The following SHB variants were observed in gnomAD, a reference collection of about 807,000 sequenced individuals.
SHB encodes SH2 domain containing adaptor protein B, also known as SH2 domain-containing adapter protein B.
Under a neutral mutation model 52.3 loss-of-function variants are expected in SHB, and 20 were observed. The observed-to-expected ratio is 0.38, with a 90% CI of 0.27 to 0.56. The LOEUF (loss-of-function observed/expected upper bound fraction) is 0.56. SHB is among the 20% of genes least tolerant of loss of function. The pLI, the probability that SHB is intolerant of heterozygous loss-of-function variation, is 0.71. For missense variants in SHB, 825 were observed against 723.3 expected (o/e 1.14, Z -1.61); for synonymous variants, 397 against 316.5 (o/e 1.25, Z -2.70).
chr9:38,053,323 C>T lies in SHB; in HGVS notation c.717+14606G>A, dbSNP rs112580420. Among the ~76,000 whole-genome samples the T allele has an allele frequency of 7.9e-5, 12 of 152,200 alleles. 2 individuals carry two copies. The highest frequency in any genetic ancestry group is 2.9e-4 in the African/African-American group (12 of 41,526). ...TGCGATCTCAGCTCACTGCAACCTC[C>T]ACCTCCCGGGTTCAAGCAATTCTCC... is the stretch of plus-strand genomic sequence containing the variant. On this transcript the variant is annotated intron_variant, in intron 1 of 5. Transcript: ENST00000377707.
intron 2 of SHB, among the ~76,000 whole-genome samples, chr9:38,000,965 C>T (rs140207542): frequency 2.0e-5 from 3 of 152,340 alleles, no homozygotes; most frequent in African/African-American, 7.2e-5. Context: ...ACCACGTGTC[C>T]TGCCTGTCTC....
chr9:37,957,181 G>A (rs1047453553), intron 3 of SHB, among the ~76,000 whole-genome samples: 38 of 152,182 alleles, frequency 2.5e-4, no homozygotes, highest in Non-Finnish European at 1.3e-4. Flanking sequence ...TCCTGAAGCC[G>A]AGGCCAGCTG....
At chr9:38,012,290 A>G (rs1400640890) in intron 2 of SHB, among the ~76,000 whole-genome samples, 1 of 152,162 alleles carries the variant, frequency 6.6e-6, no homozygotes, top group African/African-American at 2.4e-5. Flanking sequence ...GCTCCACATG[A>G]TGGTTCAAAC....
chr9:38,039,458 T>A (rs553534996), intron 1 of SHB, among the ~76,000 whole-genome samples: 1 of 152,256 alleles, frequency 6.6e-6, no homozygotes, highest in Admixed American at 6.5e-5. Flanking sequence ...AAGGGGGTCA[T>A]GGCCCTGGGG....
intron 5 of SHB, among the ~76,000 whole-genome samples, chr9:37,923,838 G>A (rs1204796501): frequency 1.3e-5 from 2 of 152,188 alleles, no homozygotes; most frequent in African/African-American, 4.8e-5. Flanking sequence ...ACACTACCCT[G>A]GCCCAAGGCG....
rs116025833 is a variant in SHB, at chr9:38,056,630, A to G, written c.717+11299T>C. 4.0e-3 allele frequency among the ~76,000 whole-genome samples: 610 copies of G among 152,340 alleles called. 2 individuals are homozygous for G. The highest frequency in any genetic ancestry group is 0.014 in the African/African-American group (571 of 41,586). ...TATAGGCGTGAGCCACCGCGCCCAC[A>G]TGGGAAGACTTTTCTCAGCAGCATG... On this transcript the variant is annotated intron_variant, in intron 1 of 5. Coordinates refer to ENST00000377707, the MANE Select transcript of SHB (RefSeq NM_003028.3).
intron 2 of SHB, among the ~76,000 whole-genome samples, chr9:37,976,271 T>C (rs1237220875): frequency 6.6e-6 from 1 of 152,128 alleles, no homozygotes; most frequent in African/African-American, 2.4e-5. Flanking sequence ...CCTGACCTCA[T>C]GTGATCTCCC....
chr9:37,966,136 G>A (rs1045649253), intron 3 of SHB, among the ~76,000 whole-genome samples: 5 of 152,156 alleles, frequency 3.3e-5, no homozygotes, highest in Admixed American at 2.0e-4. Context: ...ACTGCGTCTG[G>A]CCTGATTTAC....
At chr9:38,062,108 G>A (rs993450055) in intron 1 of SHB, among the ~76,000 whole-genome samples, 2 of 152,202 alleles carry the variant, frequency 1.3e-5, no homozygotes, top group African/African-American at 2.4e-5. Context: ...ATTAAGTAAA[G>A]GGGAGGAGGA....
At chr9:37,963,648 G>A (rs1426120926) in intron 3 of SHB, among the ~76,000 whole-genome samples, 1 of 152,182 alleles carries the variant, frequency 6.6e-6, no homozygotes, top group Non-Finnish European at 1.5e-5. Flanking sequence ...TGAGAGTGGG[G>A]AGAGCTGAGG....
chr9:38,055,865 G>A (rs895789748), intron 1 of SHB, among the ~76,000 whole-genome samples: 7 of 151,922 alleles, frequency 4.6e-5, no homozygotes, highest in East Asian at 1.9e-4. Flanking sequence ...CCCAGCCTCC[G>A]GTATCAGAGG....
intron 4 of SHB, among the ~76,000 whole-genome samples, chr9:37,952,817 G>C (rs891345826): frequency 2.0e-5 from 3 of 152,086 alleles, no homozygotes; most frequent in African/African-American, 7.2e-5. Flanking sequence ...GGAGGGGCAA[G>C]TTTCGAGGAG....
chr9:38,012,567 G>C (rs930256297), intron 2 of SHB, among the ~76,000 whole-genome samples: 6 of 151,864 alleles, frequency 4.0e-5, no homozygotes, highest in African/African-American at 1.5e-4. Context: ...GCCCATCGTC[G>C]CACAGCCAGT....
rs1002305809 is a variant in SHB at position 38,004,540 on chromosome 9, C to T, written c.838+11471G>A. ...GGCAGCAAGAGGCTAGAGCTGAAGG[C>T]AGGCATGATGAAGGCCATTCACTTC... On this transcript the variant is annotated intron_variant, in intron 2 of 5. Transcript: ENST00000377707. Among the ~76,000 whole-genome samples the T allele has an allele frequency of 3.3e-5, 5 of 152,164 alleles. No individual in the cohort carries two copies. The South Asian group carries it at 1.0e-3, about 32-fold the overall frequency.
At chr9:38,063,446 C>A (rs1219582127) in intron 1 of SHB, among the ~76,000 whole-genome samples, 1 of 152,256 alleles carries the variant, frequency 6.6e-6, no homozygotes, top group African/African-American at 2.4e-5. Context: ...AGCCTCCAGG[C>A]CATGGCACAG....
In SHB at chr9:38,068,113, T is replaced by C. The variant is rs759970454; in HGVS notation, c.533A>G (p.Tyr178Cys). 5.4e-6 allele frequency: 8 copies of C among 1,470,308 alleles called. No homozygotes were observed. The South Asian group carries it at 9.7e-5, about 18-fold the overall frequency. The allele number at this position is 1,470,308 out of a possible 1,614,324, so 91.1% of individuals were successfully genotyped here. Reference protein sequence around the residue: ...RRPATPAEVRYISPKHRLIKV... With the variant: ...RRPATPAEVRCISPKHRLIKV... ...GATGAGGCGGTGCTTGGGGGAGATG[T>C]AGCGCACCTCGGCCGGCGTGGCGGG... The change falls in exon 1 of 6, where the codon TAC becomes TGC. Residue 178 changes from tyrosine to cysteine, a missense_variant. Coordinates refer to ENST00000377707, the MANE Select transcript of SHB (RefSeq NM_003028.3).
intron 1 of SHB, among the ~76,000 whole-genome samples, chr9:38,019,808 C>T (rs961156745): frequency 2.6e-5 from 4 of 152,096 alleles, no homozygotes; most frequent in Non-Finnish European, 5.9e-5. Context: ...AGAAACCACC[C>T]GAAACTACTG....
At chr9:38,051,771 C>T (rs568135529) in intron 1 of SHB, among the ~76,000 whole-genome samples, 83 of 152,314 alleles carry the variant, frequency 5.4e-4, no homozygotes, top group African/African-American at 1.9e-3. Flanking sequence ...GCCTGTAAAG[C>T]GAGCTCTGCC....
intron 5 of SHB, among the ~76,000 whole-genome samples, chr9:37,932,290 A>AAG (rs1832321224): frequency 6.6e-6 from 1 of 151,030 alleles, no homozygotes; most frequent in African/African-American, 2.4e-5. Flanking sequence ...AAAAAAAAAA[A>AAG]AAAAGAAAAG....
Sources: gnomAD v4.1 joint callset for allele counts (sites outside exome capture counted in the v4.1 genomes callset) on GRCh38, gnomAD v4.1.1 for gene constraint, MANE v1.5 for transcripts, NCBI Gene and HGNC (gene_info 2026-07-23, HGNC 2026-07-21) for gene names.